The following MIB1 variants were observed in gnomAD, a reference collection of about 807,000 sequenced individuals.
MIB1 encodes the protein MIB E3 ubiquitin protein ligase 1.
Under a neutral mutation model 124.5 loss-of-function variants are expected in MIB1, and 278 were observed. That is an observed-to-expected ratio of 2.23 (90% CI 2.02 to 2.47). MIB1 has a LOEUF of 2.47. Among genes scored for constraint, MIB1 ranks in the 30% most tolerant of loss-of-function variants. MIB1 has a pLI of 0.00. For missense variants in MIB1, 957 were observed against 1,254.4 expected, an observed-to-expected ratio of 0.76 and a Z score of 3.58; for synonymous variants, 446 against 429.4, an observed-to-expected ratio of 1.04 and a Z score of -0.48.
intron 1 of MIB1, 62 bp from the exon 2 acceptor site, chr18:21,765,710 G>T: frequency 6.7e-7 from 1 of 1,491,684 alleles, no homozygotes. Context: ...TTTCCCCCAA[G>T]GAATAATATT....
intron 1 of MIB1, among the ~76,000 whole-genome samples, chr18:21,716,182 A>G (rs2040689018): frequency 6.6e-6 from 1 of 152,262 alleles, no homozygotes; most frequent in Non-Finnish European, 1.5e-5. Context: ...GAAACCCTGC[A>G]AGCTAGAAGA....
chr18:21,775,269 T>C (rs757355671), intron 4 of MIB1, among the ~76,000 whole-genome samples: 5 of 152,124 alleles, frequency 3.3e-5, no homozygotes, highest in Non-Finnish European at 7.4e-5. Flanking sequence ...AGACAGGGTC[T>C]TGCTCTGTCA....
rs1382705610 is a variant in MIB1, at chr18:21,741,595, C to T, written c.12C>T (p.Ser4=). The change falls in exon 1 of 21, where the codon TCC becomes TCT. Residue 4 remains serine, a synonymous_variant. Coordinates refer to ENST00000261537, the MANE Select transcript of MIB1 (RefSeq NM_020774.4). The surrounding 1 kb of genome is among the most constrained non-coding windows in gnomAD (Gnocchi z 5.4). The part of the protein sequence containing the change: MSN[S]RNNRVMVEGV... ...CCGCCCGGGCCCCGATGAGTAACTC[C>T]CGGAATAACCGGGTGATGGTGGAAG... is the stretch of plus-strand genomic sequence containing the variant. 3.2e-6 allele frequency: 5 copies of T among 1,559,476 alleles called. No individual in the cohort carries two copies. Among genetic ancestry groups the T allele is most frequent in the African/African-American group, 1.4e-5 (1 of 71,624 alleles).
At chr18:21,709,339 C>T (rs538791780) in intron 1 of MIB1, among the ~76,000 whole-genome samples, 361 of 144,682 alleles carry the variant, frequency 2.5e-3, no homozygotes, top group Non-Finnish European at 4.3e-3. Context: ...AAAAAAAAGT[C>T]GTGGTGCTGG....
At chr18:21,849,042 A>G (rs113123758) in intron 16 of MIB1, among the ~76,000 whole-genome samples, 154 bp from the exon 17 acceptor site, 52 of 152,360 alleles carry the variant, frequency 3.4e-4, no homozygotes, top group African/African-American at 1.3e-3. Flanking sequence ...TATAAACACA[A>G]AAATTTAATG....
At position 21,849,377 on chromosome 18, in the gene MIB1, T is replaced by TCC; in HGVS notation, c.2576_2577dup (p.Arg860ProfsTer35). On this transcript the variant is annotated frameshift_variant, in exon 17 of 21. Coordinates refer to ENST00000261537, the MANE Select transcript of MIB1 (RefSeq NM_020774.4). LOFTEE classifies it high-confidence loss of function. ...CCTCATCTGTAAAGAACAGGTTCAA[T>TCC]CCAGGACAAAGGTAAGATATATTTA... 6.3e-7 allele frequency: 1 copy of TCC among 1,599,222 alleles called. No individual in the cohort carries two copies. The highest frequency in any genetic ancestry group is 8.5e-7 in the Non-Finnish European group (1 of 1,172,516).
At chr18:21,712,414 A>G (rs2040669763) in intron 1 of MIB1, among the ~76,000 whole-genome samples, 1 of 152,134 alleles carries the variant, frequency 6.6e-6, no homozygotes, top group Non-Finnish European at 1.5e-5. Flanking sequence ...TGGGATGTCA[A>G]CACTCCTGTG....
intron 5 of MIB1, among the ~76,000 whole-genome samples, 157 bp downstream of exon 5, chr18:21,778,326 T>C (rs1272421029): frequency 2.0e-5 from 3 of 152,210 alleles, no homozygotes; most frequent in Non-Finnish European, 4.4e-5. Flanking sequence ...ATTTTTTCTT[T>C]TATTATGCTT....
At chr18:21,740,115 G>A (rs1467809527), upstream of MIB1, among the ~76,000 whole-genome samples, 1 of 152,206 alleles carries the variant, frequency 6.6e-6, no homozygotes, top group Non-Finnish European at 1.5e-5. Flanking sequence ...GGTGCCAACA[G>A]TGCTGGCCTG....
At position 21,856,001 on chromosome 18, in the gene MIB1, C is replaced by T. The variant is rs57455515; in HGVS notation, c.2666-1129C>T. ...ATCCCAGCACTTTGGGAGGCCGAAG[C>T]GGGTGGATCATGAGGTCAGGAGATC... On this transcript the variant is annotated intron_variant, in intron 18 of 20. Coordinates refer to ENST00000261537, the MANE Select transcript of MIB1 (RefSeq NM_020774.4). Among the ~76,000 whole-genome samples the T allele has an allele frequency of 9.4e-3, 1,423 of 151,716 alleles. 24 individuals carry two copies. Among genetic ancestry groups the T allele is most frequent in the African/African-American group, 0.032 (1,333 of 41,380 alleles).
At position 21,799,367 on chromosome 18, in the gene MIB1, G is replaced by A. The variant is rs137978744; in HGVS notation, c.1238-474G>A. ...GTCCAGTTTCAACCTAAAGAAAATT[G>A]GTTTGACCCTAAACTATGTCCCCAG... On this transcript the variant is annotated intron_variant, in intron 8 of 20. Transcript: ENST00000261537. Among the ~76,000 whole-genome samples the A allele has an allele frequency of 1.9e-3, 288 of 152,038 alleles. 6 individuals carry two copies. The highest frequency in any genetic ancestry group is 3.3e-3 in the East Asian group (17 of 5,180).
intron 1 of MIB1, among the ~76,000 whole-genome samples, chr18:21,755,749 C>CTTAT (rs1239772476): frequency 6.6e-6 from 1 of 152,134 alleles, no homozygotes; most frequent in Non-Finnish European, 1.5e-5. Flanking sequence ...CTTTGGAATA[C>CTTAT]TTATTTATTT....
intron 18 of MIB1, among the ~76,000 whole-genome samples, chr18:21,854,452 T>A (rs1370560502): frequency 6.6e-6 from 1 of 152,224 alleles, no homozygotes; most frequent in Non-Finnish European, 1.5e-5. Context: ...AGGTGTAGTT[T>A]GCTGACATCT....
At chr18:21,724,737 T>A (rs1209037351) in intron 1 of MIB1, among the ~76,000 whole-genome samples, 1,397 of 61,594 alleles carry the variant, frequency 0.023, 39 homozygotes, top group Middle Eastern at 0.041. Flanking sequence ...AATATATATA[T>A]ATATATATAT....
chr18:21,844,883 G>T (rs1393614033), intron 15 of MIB1, among the ~76,000 whole-genome samples: 1 of 152,180 alleles, frequency 6.6e-6, no homozygotes, highest in African/African-American at 2.4e-5. Context: ...CAAATCTTTT[G>T]TTCATTATTT....
At chr18:21,764,152 A>G (rs539993278) in intron 1 of MIB1, among the ~76,000 whole-genome samples, 3 of 152,290 alleles carry the variant, frequency 2.0e-5, no homozygotes, top group African/African-American at 4.8e-5. Flanking sequence ...AGGATTGCAC[A>G]TAAAACATAT....
chr18:21,765,996 TA>T lies in MIB1; in HGVS notation c.401+54del, dbSNP rs2041154149. 15 of 1,542,122 alleles carry T rather than the reference TA, an allele frequency of 9.7e-6. No individual in the cohort carries two copies. In the South Asian group the frequency reaches 1.7e-4, roughly 17 times the overall value. ...CGAGGGTTTTTGTTTGTATTCAAGT[TA>T]TGTACTTCTGGGCCTTAAAAATAGG... is the stretch of plus-strand genomic sequence containing the variant. On this transcript the variant is annotated intron_variant, in intron 2 of 20. Coordinates refer to ENST00000261537, the MANE Select transcript of MIB1 (RefSeq NM_020774.4).
chr18:21,772,111 C>A (rs1568194753), intron 3 of MIB1, among the ~76,000 whole-genome samples: 2 of 152,232 alleles, frequency 1.3e-5, no homozygotes, highest in East Asian at 1.9e-4. Context: ...AGATCTTAAA[C>A]ATAAAACCTT....
intron 6 of MIB1, among the ~76,000 whole-genome samples, chr18:21,784,508 T>C (rs2041411180): frequency 6.6e-6 from 1 of 152,208 alleles, no homozygotes; most frequent in Non-Finnish European, 1.5e-5. Context: ...ATATATAGAA[T>C]AAGAATAGTT....
Sources: allele counts gnomAD v4.1 joint callset (sites outside exome capture counted in the v4.1 genomes callset), GRCh38; gene constraint gnomAD v4.1.1; non-coding constraint Gnocchi (gnomAD v3.1); transcripts MANE v1.5; gene names NCBI Gene and HGNC (gene_info 2026-07-23, HGNC 2026-07-21).